The following BICC1 variants were observed in gnomAD, a reference collection of about 807,000 sequenced individuals.
BICC1 encodes the protein protein bicaudal C homolog 1.
Under a neutral mutation model 111.0 loss-of-function variants are expected in BICC1, and 43 were observed. The ratio of observed to expected loss-of-function variants is 0.39; its 90% CI spans 0.30 to 0.50. The LOEUF is 0.50. Ranked by LOEUF, BICC1 falls within the 20% of genes least tolerant of loss-of-function variation. The pLI is 0.88. For synonymous variants in BICC1, 467 were observed against 434.4 expected (o/e 1.07, Z -0.93); for missense variants, 1,091 against 1,203.2 (o/e 0.91, Z 1.38).
intron 18 of BICC1, among the ~76,000 whole-genome samples, chr10:58,816,426 A>AG (rs1186585154): frequency 1.3e-5 from 2 of 152,180 alleles, no homozygotes; most frequent in Non-Finnish European, 2.9e-5. Flanking sequence ...TATCCTTAAG[A>AG]GAAAAACCTT....
chr10:58,534,335 G>T (rs1405404579), intron 1 of BICC1, among the ~76,000 whole-genome samples: 1 of 151,576 alleles, frequency 6.6e-6, no homozygotes, highest in Non-Finnish European at 1.5e-5. Context: ...CAGACCCTTT[G>T]AAAGAAGCAG....
At chr10:58,757,319 G>A (rs962249651) in intron 3 of BICC1, among the ~76,000 whole-genome samples, 1 of 152,116 alleles carries the variant, frequency 6.6e-6, no homozygotes, top group African/African-American at 2.4e-5. Flanking sequence ...CTATGAAATC[G>A]TAACACATTT....
intron 17 of BICC1, among the ~76,000 whole-genome samples, chr10:58,807,697 C>T (rs1201188293): frequency 6.6e-6 from 1 of 152,162 alleles, no homozygotes. Context: ...GACTGGGAAG[C>T]TGGCATTCCT....
intron 3 of BICC1, among the ~76,000 whole-genome samples, chr10:58,712,011 A>G (rs1266994250): frequency 3.9e-5 from 6 of 152,186 alleles, no homozygotes; most frequent in Non-Finnish European, 8.8e-5. Context: ...CCTAACAATA[A>G]GAAAACAACC....
intron 3 of BICC1, among the ~76,000 whole-genome samples, chr10:58,710,229 G>A (rs1840530646): frequency 6.6e-6 from 1 of 152,176 alleles, no homozygotes; most frequent in Non-Finnish European, 1.5e-5. Flanking sequence ...TTGGTAAGTA[G>A]CAGACCTCAA....
chr10:58,730,020 A>G (rs1237376256), intron 3 of BICC1, among the ~76,000 whole-genome samples: 4 of 152,150 alleles, frequency 2.6e-5, no homozygotes, highest in Non-Finnish European at 4.4e-5. Flanking sequence ...CAGTCCCCCA[A>G]GTCTTAACTC....
rs747794940 is a variant in BICC1 at position 58,798,431 on chromosome 10, A to C, written c.1399A>C (p.Thr467Pro). ...GGGACCCACCACCTTATCTCTGAAC[A>C]CTTCAACAACCCCAAACTCACTCTT... ...LLGPTTLSLN[T>P]STTPNSLLNA... Residue 467 changes from threonine to proline, a missense_variant, in exon 11 of 21, where the codon ACT becomes CCT. By Grantham distance (38) the Thr-to-Pro change is conservative (BLOSUM62 -1). Around this residue, in one of 3 missense-constraint regions of BICC1, gnomAD observed 843 missense variants for 900.8 expected, o/e 0.94. Transcript: ENST00000373886. 1 of 1,610,672 alleles carries C rather than the reference A, an allele frequency of 6.2e-7. No homozygotes were observed. Among genetic ancestry groups the C allele is most frequent in the Non-Finnish European group, 8.5e-7 (1 of 1,178,618 alleles).
rs758993968 is a variant in BICC1, at chr10:58,786,895, C to T, written c.388-28C>T. The T allele has an allele frequency of 4.6e-6, 7 of 1,509,120 alleles. No homozygotes were observed. The African/African-American group carries it at 5.7e-5, about 12-fold the overall frequency. The allele number at this position is 1,509,120 out of a possible 1,614,324, so 93.5% of individuals were successfully genotyped here. ...GGTCATTCTTTCCTTTTGCATACAT[C>T]AAGTAATAATACATTATTTTCACAT... On this transcript the variant is annotated intron_variant, in intron 4 of 20. Coordinates refer to ENST00000373886, the MANE Select transcript of BICC1 (RefSeq NM_001080512.3).
chr10:58,725,702 T>C (rs1841083880), intron 3 of BICC1, among the ~76,000 whole-genome samples: 1 of 152,192 alleles, frequency 6.6e-6, no homozygotes, highest in South Asian at 2.1e-4. Context: ...TGGATCCTCA[T>C]CTCATCCAAG....
At chr10:58,580,064 A>G (rs897672792) in intron 1 of BICC1, among the ~76,000 whole-genome samples, 1 of 148,316 alleles carries the variant, frequency 6.7e-6, no homozygotes, top group Non-Finnish European at 1.5e-5. Context: ...CTTGCCTGTC[A>G]TCCAGGCTGG....
chr10:58,711,514 T>C (rs4427520), intron 3 of BICC1, among the ~76,000 whole-genome samples: 151,961 of 152,366 alleles, frequency 1, 75,779 homozygotes, highest in Middle Eastern at 1. Flanking sequence ...CTCACAGACA[T>C]ACAGCGCACA....
At chr10:58,662,010 C>G (rs1438568343) in intron 2 of BICC1, among the ~76,000 whole-genome samples, 2 of 152,160 alleles carry the variant, frequency 1.3e-5, no homozygotes, top group African/African-American at 2.4e-5. Flanking sequence ...AATGTTCCAT[C>G]TCTTATGTTC....
chr10:58,796,159 G>T (rs777507889), intron 9 of BICC1, among the ~76,000 whole-genome samples, 181 bp from the exon 10 acceptor site: 1 of 152,166 alleles, frequency 6.6e-6, no homozygotes, highest in Non-Finnish European at 1.5e-5. Context: ...TTAGGGTTTT[G>T]CCAGAAGGAG....
At chr10:58,738,991 C>T (rs1345674150) in intron 3 of BICC1, among the ~76,000 whole-genome samples, 3 of 151,864 alleles carry the variant, frequency 2.0e-5, no homozygotes, top group Non-Finnish European at 4.4e-5. Context: ...GGGGCTGAGA[C>T]AGTGGGGTTT....
intron 1 of BICC1, among the ~76,000 whole-genome samples, chr10:58,578,578 A>G (rs1844178049): frequency 6.6e-6 from 1 of 152,212 alleles, no homozygotes; most frequent in South Asian, 2.1e-4. Context: ...CACAGTGGAT[A>G]TGATTGACTC....
chr10:58,821,172 C>T (rs375421297), intron 20 of BICC1, among the ~76,000 whole-genome samples: 3 of 152,116 alleles, frequency 2.0e-5, no homozygotes, highest in Non-Finnish European at 2.9e-5. Flanking sequence ...CTCAAAAAAG[C>T]GTTTAGAAAA....
At chr10:58,809,120 T>A (rs930910483) in intron 17 of BICC1, among the ~76,000 whole-genome samples, 2 of 152,122 alleles carry the variant, frequency 1.3e-5, no homozygotes, top group Non-Finnish European at 2.9e-5. Flanking sequence ...CCTCCCAGGT[T>A]CAAGCATTTC....
intron 9 of BICC1, among the ~76,000 whole-genome samples, chr10:58,794,420 G>GTTT (rs539285951): frequency 7.0e-6 from 1 of 142,398 alleles, no homozygotes; most frequent in Admixed American, 7.1e-5. Context: ...TGGAATAAAT[G>GTTT]TTTTTTTTTT....
chr10:58,620,963 C>T, intron 2 of BICC1, 62 bp downstream of exon 2: 1 of 1,482,612 alleles, frequency 6.7e-7, no homozygotes, highest in South Asian at 1.2e-5. Flanking sequence ...ATCTCAACAG[C>T]TACCCTAGAA....
Sources: allele counts gnomAD v4.1 joint callset (sites outside exome capture counted in the v4.1 genomes callset), GRCh38; gene constraint gnomAD v4.1.1; regional missense constraint gnomAD v4.1.1; transcripts MANE v1.5; gene names NCBI Gene and HGNC (gene_info 2026-07-23, HGNC 2026-07-21).